Variants in MEF2C observed in about 807,000 individuals in gnomAD.
The protein encoded by MEF2C is myocyte enhancer factor 2C, also known as myocyte-specific enhancer factor 2C.
MEF2C carries 6 observed loss-of-function variants against 50.5 expected under a neutral mutation model. The ratio of observed to expected loss-of-function variants is 0.12; its 90% confidence interval spans 0.07 to 0.23. The LOEUF is 0.23. Among genes scored for constraint, MEF2C ranks in the 10% least tolerant of loss-of-function variants. MEF2C has a pLI of 1.00. For synonymous variants in MEF2C, 183 were observed against 228.0 expected, an observed-to-expected ratio of 0.80 and a Z score of 1.78; for missense variants, 276 against 605.0, an observed-to-expected ratio of 0.46 and a Z score of 5.70.
chr5:88,858,686 C>G (rs1432465870), intron 1 of MEF2C, among the ~76,000 whole-genome samples: 1 of 152,136 alleles, frequency 6.6e-6, no homozygotes, highest in Admixed American at 6.5e-5. Flanking sequence ...GTTAGTTACT[C>G]CTTGGAGAAA....
rs2152045243 is a variant in MEF2C at position 88,722,824 on chromosome 5, C to T, written c.1202G>A (p.Arg401His). Residue 401 changes from arginine (R) to histidine (H), a missense_variant, in exon 11 of 11, where the codon CGT becomes CAT. Coordinates refer to ENST00000504921, the MANE Select transcript of MEF2C (RefSeq NM_002397.5). ...TGGGTATCTCGAAGGGGTGGTGGTA[C>T]GGTCTCTAGGAGGAGAAACAGGTTC... ...KSEPVSPPRD[R>H]TTTPSRYPQH... 3.7e-6 allele frequency: 6 copies of T among 1,613,898 alleles called. No individual in the cohort carries two copies. The highest frequency in any genetic ancestry group is 1.1e-5 in the South Asian group (1 of 91,064).
intron 1 of MEF2C, among the ~76,000 whole-genome samples, chr5:88,845,560 A>G (rs1819006815): frequency 6.6e-6 from 1 of 152,142 alleles, no homozygotes; most frequent in South Asian, 2.1e-4. Context: ...TTTTCCATTC[A>G]TTTACCTGAA....
In MEF2C at chr5:88,881,539, A is replaced by G. The variant is rs1832831393; in HGVS notation, c.-143+1416T>C. ...ATTAAATAAGATGTTTTAGTTTCAA[A>G]TTAGAGATTGTTGATCTATTTAAAG... On this transcript the variant is annotated intron_variant, in intron 1 of 10. Coordinates refer to ENST00000504921, the MANE Select transcript of MEF2C (RefSeq NM_002397.5). 2.0e-5 allele frequency among the ~76,000 whole-genome samples: 3 copies of G among 152,316 alleles called. No homozygotes were observed. In the South Asian group the frequency reaches 6.2e-4, roughly 32 times the overall value.
intron 3 of MEF2C, among the ~76,000 whole-genome samples, chr5:88,788,051 C>T (rs951318578): frequency 5.9e-5 from 9 of 152,152 alleles, no homozygotes; most frequent in African/African-American, 4.8e-5. Context: ...TCCTGACTGA[C>T]GCACAGTGGG....
chr5:88,738,489 G>T, intron 6 of MEF2C: 1 of 856,138 alleles, frequency 1.2e-6, no homozygotes, highest in Non-Finnish European at 1.4e-6. Flanking sequence ...TGAGAAAACC[G>T]AAGAAAAGAG....
intron 2 of MEF2C, among the ~76,000 whole-genome samples, chr5:88,813,281 C>A (rs1340486759): frequency 6.6e-6 from 1 of 151,888 alleles, no homozygotes; most frequent in Admixed American, 6.6e-5. Flanking sequence ...CTGCTTACAG[C>A]TAGAATAAAA....
intron 1 of MEF2C, among the ~76,000 whole-genome samples, chr5:88,902,325 T>C (rs577313964): frequency 6.6e-6 from 1 of 152,014 alleles, no homozygotes; most frequent in South Asian, 2.1e-4. Context: ...GAAATCGCAA[T>C]AAATACACAT....
chr5:88,746,695 C>T (rs1769841658), intron 6 of MEF2C: 1 of 985,228 alleles, frequency 1.0e-6, no homozygotes, highest in Non-Finnish European at 1.2e-6. Flanking sequence ...TCTCTGACAT[C>T]AGCACGGATA....
intron 1 of MEF2C, chr5:88,825,658 T>C: frequency 2.0e-6 from 2 of 984,370 alleles, no homozygotes; most frequent in Non-Finnish European, 2.4e-6. Context: ...CCATCTATTT[T>C]TAGAAAACGT....
At chr5:88,886,729 GTAAATA>G (rs1834080966), upstream of MEF2C, among the ~76,000 whole-genome samples, 1 of 152,116 alleles carries the variant, frequency 6.6e-6, no homozygotes, top group Non-Finnish European at 1.5e-5. Context: ...TATTGTTAAT[GTAAATA>G]TAGAGTCACT....
chr5:88,883,218 T>C (rs1035540107), upstream of MEF2C: 2 of 130,154 alleles, frequency 1.5e-5, no homozygotes, highest in African/African-American at 5.8e-5. Context: ...AGACGATGTG[T>C]GCGTGTGTGC....
At chr5:88,739,765 T>C (rs1026449188) in intron 6 of MEF2C, 2 of 984,846 alleles carry the variant, frequency 2.0e-6, no homozygotes, top group African/African-American at 1.7e-5. Context: ...ATATTTTACA[T>C]TGAATAGCTC....
At chr5:88,843,532 A>G (rs1270084864) in intron 1 of MEF2C, 1 of 934,900 alleles carries the variant, frequency 1.1e-6, no homozygotes. Context: ...TTCAAGTTTT[A>G]TACCTTATTC....
chr5:88,898,561 A>G (rs1054615742), intron 1 of MEF2C, among the ~76,000 whole-genome samples: 2 of 152,142 alleles, frequency 1.3e-5, no homozygotes, highest in East Asian at 1.9e-4. Flanking sequence ...GAGATTTTCA[A>G]TCAATGCAGA....
chr5:88,829,208 G>A (rs1812079322), intron 1 of MEF2C, among the ~76,000 whole-genome samples: 1 of 151,856 alleles, frequency 6.6e-6, no homozygotes, highest in Non-Finnish European at 1.5e-5. Context: ...CCTGCCACTA[G>A]GCCTTTGTGT....
chr5:88,751,841 C>G lies in MEF2C; in HGVS notation c.589+16G>C. 6.2e-7 allele frequency: 1 copy of G among 1,611,580 alleles called. No homozygotes were observed. The highest frequency in any genetic ancestry group is 8.5e-7 in the Non-Finnish European group (1 of 1,178,294). ...TTCCAACTATTTGTTAGCATTACAT[C>G]CTTATGAGGACATACCTGTGTTACC... On this transcript the variant is annotated intron_variant, in intron 5 of 10. Coordinates refer to ENST00000504921, the MANE Select transcript of MEF2C (RefSeq NM_002397.5).
At chr5:88,850,266 T>C (rs1484108223) in intron 1 of MEF2C, among the ~76,000 whole-genome samples, 1 of 152,204 alleles carries the variant, frequency 6.6e-6, no homozygotes, top group Non-Finnish European at 1.5e-5. Flanking sequence ...TTGTTTTGTG[T>C]CATGCACTAT....
At chr5:88,855,677 T>C (rs1262240317) in intron 1 of MEF2C, among the ~76,000 whole-genome samples, 2 of 152,200 alleles carry the variant, frequency 1.3e-5, no homozygotes, top group East Asian at 1.9e-4. Context: ...TGAGATCTGA[T>C]GGTTTTATAA....
chr5:88,862,340 G>C (rs1407023612), intron 1 of MEF2C, among the ~76,000 whole-genome samples: 2 of 152,086 alleles, frequency 1.3e-5, no homozygotes, highest in Admixed American at 6.6e-5. Context: ...AGATACATGT[G>C]TATGTTTGTT....
Sources: allele counts gnomAD v4.1 joint callset (sites outside exome capture counted in the v4.1 genomes callset), GRCh38; gene constraint gnomAD v4.1.1; transcripts MANE v1.5; gene names NCBI Gene and HGNC (gene_info 2026-07-23, HGNC 2026-07-21).